The following PDE7B variants were observed in gnomAD, a reference collection of about 807,000 sequenced individuals.
PDE7B encodes the protein 3',5'-cyclic-AMP phosphodiesterase 7B.
In PDE7B, 29 loss-of-function variants were observed where a neutral mutation model predicts 56.2. That is an observed-to-expected ratio of 0.52 (90% CI 0.38 to 0.70). The LOEUF (loss-of-function observed/expected upper bound fraction) is 0.70. PDE7B is among the 30% of genes least tolerant of loss of function. The probability of loss-of-function intolerance (pLI) is 0.00; values close to 1 mark genes in which losing one functional copy is unlikely to be tolerated. For missense variants in PDE7B, 490 were observed against 565.0 expected (o/e 0.87, Z 1.35); for synonymous variants, 197 against 196.9 (o/e 1.00, Z 0.00).
At chr6:136,056,673 A>C (rs1776741263) in intron 2 of PDE7B, among the ~76,000 whole-genome samples, 1 of 151,446 alleles carries the variant, frequency 6.6e-6, no homozygotes. Context: ...CTGGGATTAC[A>C]GGCACCTGCC....
intron 2 of PDE7B, among the ~76,000 whole-genome samples, chr6:136,051,577 T>A (rs754102108): frequency 1.7e-4 from 26 of 152,216 alleles, no homozygotes; most frequent in Non-Finnish European, 3.8e-4. Context: ...ATTGGTCCCG[T>A]AACCAATTCA....
chr6:135,883,170 G>A (rs1273545281), intron 1 of PDE7B, among the ~76,000 whole-genome samples: 1 of 152,040 alleles, frequency 6.6e-6, no homozygotes, highest in Admixed American at 6.6e-5. Flanking sequence ...CACAATTTAT[G>A]TCCACCACTA....
intron 1 of PDE7B, among the ~76,000 whole-genome samples, chr6:135,858,979 T>C (rs2128184136): frequency 6.6e-6 from 1 of 152,176 alleles, no homozygotes; most frequent in Non-Finnish European, 1.5e-5. Context: ...TATTAAGATG[T>C]ACAGCTTGTG....
intron 2 of PDE7B, among the ~76,000 whole-genome samples, chr6:136,020,116 T>C (rs1776045498): frequency 6.6e-6 from 1 of 152,220 alleles, no homozygotes; most frequent in South Asian, 2.1e-4. Flanking sequence ...AATTACCCTC[T>C]TCAGTGTGTC....
At chr6:136,037,997 A>G in intron 2 of PDE7B, 1 of 1,269,538 alleles carries the variant, frequency 7.9e-7, no homozygotes, top group South Asian at 1.3e-5. Flanking sequence ...TCTCTAAGGA[A>G]GGAGTACAGT....
rs369787496 is a variant in PDE7B, at chr6:136,118,246, T to C, written c.166+9432T>C. ...TCCTTTGTGAAGCCTTCTTCAATCC[T>C]CCCAAAGGAGTGAACTCATCATTCT... On this transcript the variant is annotated intron_variant, in intron 3 of 12. Transcript: ENST00000308191. Among the ~76,000 whole-genome samples the C allele has an allele frequency of 6.7e-4, 102 of 152,224 alleles. 3 individuals carry two copies. The South Asian group carries it at 0.021, about 32-fold the overall frequency.
rs527872911 is a variant in PDE7B, at chr6:135,946,886, G to T, written c.22-578G>T. ...CTGCAGGAATTTGCCTTGCACAAAAGTTTTAACAAGCAAGTTAAAACTAAG... is the reference window on the plus strand; with the variant it reads ...CTGCAGGAATTTGCCTTGCACAAAATTTTTAACAAGCAAGTTAAAACTAAG... On this transcript the variant is annotated intron_variant, in intron 1 of 12. Transcript: ENST00000308191. Among the ~76,000 whole-genome samples the T allele has an allele frequency of 2.8e-4, 43 of 152,124 alleles. No homozygotes were observed. The South Asian group carries it at 8.1e-3, about 29-fold the overall frequency.
chr6:136,116,845 C>A (rs1020324904), intron 3 of PDE7B, among the ~76,000 whole-genome samples: 2 of 152,092 alleles, frequency 1.3e-5, no homozygotes, highest in Non-Finnish European at 2.9e-5. Flanking sequence ...GTTCAGGGGC[C>A]CCTGTATTTT....
intron 2 of PDE7B, among the ~76,000 whole-genome samples, chr6:136,091,612 C>A (rs1187329031): frequency 6.6e-6 from 1 of 152,102 alleles, no homozygotes; most frequent in Non-Finnish European, 1.5e-5. Context: ...GTGTGTTAAC[C>A]TCAAGAAGTA....
intron 6 of PDE7B, among the ~76,000 whole-genome samples, chr6:136,152,133 G>A (rs993270705): frequency 2.0e-5 from 3 of 152,012 alleles, no homozygotes; most frequent in Non-Finnish European, 2.9e-5. Context: ...GAGTACAAGT[G>A]GACTCACGTG....
At chr6:135,935,343 A>C (rs1774404165) in intron 1 of PDE7B, among the ~76,000 whole-genome samples, 1 of 149,982 alleles carries the variant, frequency 6.7e-6, no homozygotes, top group African/African-American at 2.5e-5. Context: ...TAATAGATTC[A>C]CTGCATGGCC....
intron 2 of PDE7B, among the ~76,000 whole-genome samples, chr6:135,948,551 G>A (rs566539383): frequency 7.2e-5 from 11 of 151,942 alleles, no homozygotes; most frequent in South Asian, 4.1e-4. Context: ...AATAATCAAA[G>A]GTGGTACACG....
At chr6:135,857,064 CCCTT>C (rs1263611439) in intron 1 of PDE7B, among the ~76,000 whole-genome samples, 1 of 113,388 alleles carries the variant, frequency 8.8e-6, no homozygotes, top group Non-Finnish European at 1.8e-5. Context: ...CTTCCTTCCT[CCCTT>C]CCTTCCTTCC....
At chr6:136,108,857 C>G (rs767953090) in intron 3 of PDE7B, 43 bp downstream of exon 3, 2 of 1,182,874 alleles carry the variant, frequency 1.7e-6, no homozygotes, top group South Asian at 1.3e-5. Context: ...ACGTTTTCTT[C>G]AAAAAGAAAA....
chr6:135,870,454 A>G lies in PDE7B; in HGVS notation c.21+18435A>G, dbSNP rs139487738. Among the ~76,000 whole-genome samples, 1,361 of 151,862 alleles carry G rather than the reference A, an allele frequency of 9.0e-3. 28 individuals are homozygous for G. Among genetic ancestry groups the G allele is most frequent in the Admixed American group, 0.038 (573 of 15,254 alleles). On this transcript the variant is annotated intron_variant, in intron 1 of 12. Coordinates refer to ENST00000308191, the MANE Select transcript of PDE7B (RefSeq NM_018945.4). The stretch of plus-strand genomic sequence containing the variant: ...ATTAAATGTGTGTGTGTGTGTGTGC[A>G]CACAGGCTTAGAACTGAGTTCAGTA...
At chr6:136,137,745 G>A (rs946374210) in intron 3 of PDE7B, among the ~76,000 whole-genome samples, 1 of 152,022 alleles carries the variant, frequency 6.6e-6, no homozygotes, top group Non-Finnish European at 1.5e-5. Context: ...ACTCAAAAAT[G>A]AAAATAATTT....
chr6:136,018,930 G>T (rs954705177), intron 2 of PDE7B, among the ~76,000 whole-genome samples: 3 of 151,976 alleles, frequency 2.0e-5, no homozygotes, highest in Admixed American at 2.0e-4. Context: ...CATCTCCCAT[G>T]TTCAGCAGTG....
At chr6:135,887,563 A>G (rs1451731152) in intron 1 of PDE7B, among the ~76,000 whole-genome samples, 1 of 152,164 alleles carries the variant, frequency 6.6e-6, no homozygotes, top group Non-Finnish European at 1.5e-5. Context: ...CTTAAGTTTG[A>G]TATTTATTTA....
At chr6:136,156,555 G>A (rs144157380) in intron 8 of PDE7B, among the ~76,000 whole-genome samples, 1 of 152,116 alleles carries the variant, frequency 6.6e-6, no homozygotes, top group East Asian at 1.9e-4. Context: ...TGGGGTATAG[G>A]TCTAGGGACC....
Sources: allele counts gnomAD v4.1 joint callset (sites outside exome capture counted in the v4.1 genomes callset), GRCh38; gene constraint gnomAD v4.1.1; transcripts MANE v1.5; gene names NCBI Gene and HGNC (gene_info 2026-07-23, HGNC 2026-07-21).